Variants in OTC observed in about 807,000 individuals in gnomAD.
OTC encodes the protein ornithine transcarbamylase, mitochondrial.
In OTC, 3 loss-of-function variants were observed where a neutral mutation model predicts 30.3. The ratio of observed to expected loss-of-function variants is 0.10; its 90% CI spans 0.05 to 0.26. OTC has a LOEUF of 0.26. Ranked by LOEUF, OTC falls within the 10% of genes least tolerant of loss-of-function variation. The pLI, the probability that OTC is intolerant of heterozygous loss-of-function variation, is 1.00. For synonymous variants in OTC, 111 were observed against 99.7 expected (o/e 1.11, Z -0.67); for missense variants, 194 against 260.3 (o/e 0.75, Z 1.75).
the OTC span, among the ~76,000 whole-genome samples, chrX:38,344,666 T>C: frequency 4.5e-5 from 5 of 111,143 alleles, no homozygotes; most frequent in East Asian, 1.4e-3. Flanking sequence ...TTACCCTGGG[T>C]TATGCAAAGA....
intron 6 of OTC, among the ~76,000 whole-genome samples, chrX:38,408,384 G>C (rs73198454): frequency 0.071 from 7,963 of 111,985 alleles, 291 homozygotes; most frequent in Non-Finnish European, 0.11. Flanking sequence ...AGGATAGCAT[G>C]TGCAAAGATA....
intron 5 of OTC, 141 bp downstream of exon 5, chrX:38,401,569 C>G: frequency 1.9e-6 from 1 of 528,247 alleles, no homozygotes; most frequent in Non-Finnish European, 3.3e-6. Context: ...CTTGTGTGTG[C>G]ATTTTCTGGG....
chrX:38,353,865 T>A lies in OTC; in HGVS notation c.77+1092T>A, dbSNP rs188929138. 4.8e-3 allele frequency among the ~76,000 whole-genome samples: 539 copies of A among 112,112 alleles called. 5 individuals are homozygous for A. The highest frequency in any genetic ancestry group is 0.016 in the African/African-American group (501 of 30,884). ...TTTCTTAAACAGCTCAAATATTCAA[T>A]TGAAATTGTTTCACTTCTCTTATTT... On this transcript the variant is annotated intron_variant, in intron 1 of 9. Transcript: ENST00000039007.
chrX:38,378,884 G>A (rs2068362639), intron 3 of OTC, among the ~76,000 whole-genome samples: 1 of 111,645 alleles, frequency 9.0e-6, no homozygotes, highest in Non-Finnish European at 1.9e-5. Context: ...GCAGAGAAAC[G>A]ATATGGAGTT....
the OTC span, among the ~76,000 whole-genome samples, chrX:38,347,000 G>C: frequency 4.7e-3 from 532 of 112,289 alleles, 3 homozygotes; most frequent in Non-Finnish European, 8.3e-3. Flanking sequence ...TTTAACAAAA[G>C]AAAAATTGTA....
chrX:38,366,755 A>C (rs4827094), intron 1 of OTC, among the ~76,000 whole-genome samples: 28,499 of 110,950 alleles, frequency 0.26, 3,137 homozygotes, highest in African/African-American at 0.38. Context: ...ATAAAAATTC[A>C]ATCTCTTTTC....
At chrX:38,417,517 G>A (rs1229481871) in intron 9 of OTC, among the ~76,000 whole-genome samples, 1 of 111,431 alleles carries the variant, frequency 9.0e-6, no homozygotes, top group African/African-American at 3.3e-5. Flanking sequence ...CACCACTCAG[G>A]AAACTTCCTA....
chrX:38,381,558 C>T, intron 4 of OTC, 129 bp downstream of exon 4: 1 of 520,126 alleles, frequency 1.9e-6, no homozygotes, highest in East Asian at 3.7e-5. Context: ...TTCCCTCTTT[C>T]CCTGATATTC....
the OTC span, among the ~76,000 whole-genome samples, chrX:38,338,930 A>T: frequency 8.9e-6 from 1 of 111,860 alleles, no homozygotes; most frequent in East Asian, 2.8e-4. Context: ...GTCCTTCAAG[A>T]TCCAAAGCCC....
At chrX:38,343,631 G>A in the OTC span, among the ~76,000 whole-genome samples, 1 of 112,013 alleles carries the variant, frequency 8.9e-6, no homozygotes, top group African/African-American at 3.3e-5. Context: ...AAAAGAACCA[G>A]GTATGGAAAC....
the OTC span, among the ~76,000 whole-genome samples, chrX:38,345,131 G>A: frequency 9.0e-6 from 1 of 111,472 alleles, no homozygotes; most frequent in African/African-American, 3.3e-5. Context: ...GAGCCCAGGA[G>A]GTCAAGGTTA....
chrX:38,399,790 C>A (rs1297647983), intron 4 of OTC, among the ~76,000 whole-genome samples: 2 of 111,315 alleles, frequency 1.8e-5, no homozygotes, highest in African/African-American at 3.3e-5. Flanking sequence ...TCATGTGCAG[C>A]AAAATTTGAA....
At chrX:38,329,111 G>C in the OTC span, among the ~76,000 whole-genome samples, 204 of 112,021 alleles carry the variant, frequency 1.8e-3, no homozygotes, top group African/African-American at 6.4e-3. Context: ...TCAAAATACA[G>C]TAAGGCACAT....
At chrX:38,370,956 A>T (rs777400472) in intron 3 of OTC, among the ~76,000 whole-genome samples, 2 of 111,005 alleles carry the variant, frequency 1.8e-5, no homozygotes, top group East Asian at 5.7e-4. Context: ...GCTGGGTGCC[A>T]TGGAGCTCTA....
intron 9 of OTC, among the ~76,000 whole-genome samples, chrX:38,419,099 T>G (rs189702097): frequency 1.8e-5 from 2 of 111,930 alleles, no homozygotes; most frequent in African/African-American, 6.5e-5. Flanking sequence ...GACTGTCCTT[T>G]CCCCATTATG....
chrX:38,391,926 TA>T (rs763441209), intron 4 of OTC, among the ~76,000 whole-genome samples: 11 of 111,609 alleles, frequency 9.9e-5, no homozygotes, highest in South Asian at 3.7e-4. Context: ...TAAAGAAGAT[TA>T]AAAAAATAGA....
At chrX:38,343,015 C>G in the OTC span, among the ~76,000 whole-genome samples, 1 of 112,011 alleles carries the variant, frequency 8.9e-6, no homozygotes, top group Non-Finnish European at 1.9e-5. Flanking sequence ...AAGAGAGGCA[C>G]CAACTACAAA....
intron 1 of OTC, among the ~76,000 whole-genome samples, chrX:38,354,980 G>C (rs2068233047): frequency 9.1e-6 from 1 of 110,260 alleles, no homozygotes; most frequent in Non-Finnish European, 1.9e-5. Flanking sequence ...ACAGGGATTC[G>C]AGTTATTTTT....
chrX:38,332,085 C>T, the OTC span, among the ~76,000 whole-genome samples: 2 of 109,533 alleles, frequency 1.8e-5, no homozygotes, highest in East Asian at 5.8e-4. Context: ...GGAGTGTGAA[C>T]CCTGTTGTGA....
Sources: allele counts gnomAD v4.1 joint callset (sites outside exome capture counted in the v4.1 genomes callset), GRCh38; gene constraint gnomAD v4.1.1; transcripts MANE v1.5; gene names NCBI Gene and HGNC (gene_info 2026-07-23, HGNC 2026-07-21).